The following FOXP1 variants were observed in gnomAD, a reference collection of about 807,000 sequenced individuals.
FOXP1 encodes the protein forkhead box P1.
In FOXP1, 15 loss-of-function variants were observed where a neutral mutation model predicts 98.2. The observed-to-expected ratio is 0.15, with a 90% CI of 0.10 to 0.24. The LOEUF (loss-of-function observed/expected upper bound fraction) is 0.24, where lower values mean the gene tolerates loss of function less well. Among genes scored for constraint, FOXP1 ranks in the 10% least tolerant of loss-of-function variants. The probability of loss-of-function intolerance (pLI) is 1.00; values close to 1 mark genes in which losing one functional copy is unlikely to be tolerated. For synonymous variants in FOXP1, 371 were observed against 314.5 expected (o/e 1.18, Z -1.90); for missense variants, 633 against 848.5 (o/e 0.75, Z 3.15).
chr3:71,036,202 C>T lies in FOXP1; in HGVS notation c.869+5126G>A, dbSNP rs184185003. On this transcript the variant is annotated intron_variant, in intron 11 of 20. Transcript: ENST00000649528. The stretch of plus-strand genomic sequence containing the variant: ...TCAGGGGTTATTTGAAGGCAACTGC[C>T]AACTGTGGAGTGGAGAAAATGCAAG... Among the ~76,000 whole-genome samples the T allele has an allele frequency of 2.1e-4, 32 of 151,988 alleles. No individual in the cohort carries two copies. In the East Asian group the frequency reaches 5.2e-3, roughly 25 times the overall value.
At chr3:71,011,007 A>C (rs1488398739) in intron 12 of FOXP1, among the ~76,000 whole-genome samples, 5 of 152,134 alleles carry the variant, frequency 3.3e-5, no homozygotes, top group Non-Finnish European at 7.4e-5. Flanking sequence ...ATCTACAAGA[A>C]GACTAACTTA....
chr3:71,576,292 G>A (rs1405186996), intron 2 of FOXP1, among the ~76,000 whole-genome samples: 2 of 151,920 alleles, frequency 1.3e-5, no homozygotes, highest in Non-Finnish European at 2.9e-5. Flanking sequence ...ATAGTAAACA[G>A]AACACTGGAA....
At chr3:71,333,500 TTAAGAA>T (rs2076474150) in intron 4 of FOXP1, 1 of 152,122 alleles carries the variant, frequency 6.6e-6, no homozygotes, top group African/African-American at 2.4e-5. Context: ...CTAAAAGACA[TTAAGAA>T]TAAGATATAC....
chr3:71,201,481 C>T (rs537542625), intron 5 of FOXP1, among the ~76,000 whole-genome samples: 3 of 151,980 alleles, frequency 2.0e-5, no homozygotes, highest in Non-Finnish European at 4.4e-5. Flanking sequence ...CTGCTCTCTA[C>T]TAAAAATACA....
intron 18 of FOXP1, 105 bp downstream of exon 18, chr3:70,972,450 G>T: frequency 6.6e-7 from 1 of 1,514,524 alleles, no homozygotes; most frequent in Non-Finnish European, 9.2e-7. Flanking sequence ...GAGACAACGT[G>T]AAACCAGTTC....
chr3:71,124,136 T>TC (rs58752828), intron 6 of FOXP1, among the ~76,000 whole-genome samples: 1 of 33,776 alleles, frequency 3.0e-5, no homozygotes, highest in Non-Finnish European at 9.6e-5. Context: ...TAAAGTTATA[T>TC]TTTTTTAAAA....
chr3:71,340,743 TTAAA>T (rs1033595331), intron 4 of FOXP1, among the ~76,000 whole-genome samples: 28 of 152,128 alleles, frequency 1.8e-4, no homozygotes, highest in African/African-American at 6.8e-4. Flanking sequence ...AATATATTGA[TTAAA>T]TAAAGCCACC....
intron 6 of FOXP1, among the ~76,000 whole-genome samples, chr3:71,195,347 C>G (rs2063232041): frequency 6.6e-6 from 1 of 152,144 alleles, no homozygotes; most frequent in African/African-American, 2.4e-5. Context: ...TAATATGAAG[C>G]AAACATGGAA....
intron 5 of FOXP1, among the ~76,000 whole-genome samples, chr3:71,255,205 G>A (rs922039279): frequency 6.6e-6 from 1 of 152,130 alleles, no homozygotes; most frequent in African/African-American, 2.4e-5. Flanking sequence ...ATCCAAAATG[G>A]TCTTGTCCTA....
intron 3 of FOXP1, among the ~76,000 whole-genome samples, chr3:71,491,497 A>G (rs1021981381): frequency 6.6e-6 from 1 of 151,692 alleles, no homozygotes; most frequent in Non-Finnish European, 1.5e-5. Flanking sequence ...AAATTTCATG[A>G]CTCCATTAAC....
chr3:71,173,962 G>A (rs73123562), intron 6 of FOXP1, among the ~76,000 whole-genome samples: 25,703 of 152,168 alleles, frequency 0.17, 2,564 homozygotes, highest in Middle Eastern at 0.32. Context: ...ACAGTATCAT[G>A]TGATTAGCAG....
At chr3:71,227,177 C>A (rs1032546589) in intron 5 of FOXP1, among the ~76,000 whole-genome samples, 1 of 152,162 alleles carries the variant, frequency 6.6e-6, no homozygotes, top group African/African-American at 2.4e-5. Context: ...TACAGCCCCA[C>A]AGGCACGCGA....
intron 14 of FOXP1, among the ~76,000 whole-genome samples, chr3:70,980,048 GCC>G (rs2038545239): frequency 6.6e-6 from 1 of 152,138 alleles, no homozygotes; most frequent in Non-Finnish European, 1.5e-5. Flanking sequence ...CCTTACAAAT[GCC>G]CCAGCAAGCT....
At chr3:71,497,814 C>G (rs749251557) in intron 2 of FOXP1, among the ~76,000 whole-genome samples, 14 of 152,292 alleles carry the variant, frequency 9.2e-5, no homozygotes, top group Admixed American at 5.2e-4. Context: ...CCAGAAGTAC[C>G]TTGGCCCAGG....
chr3:71,173,383 TCACACACACA>T lies in FOXP1; in HGVS notation c.180+24809_180+24818del, dbSNP rs3064895. On this transcript the variant is annotated intron_variant, in intron 6 of 20. Transcript: ENST00000649528. Reference sequence around the variant, plus strand: ...TCAATTTAGAAAAAAAAGAAAAAATTCACACACACACACACACACACACACACACACACAC... The same window carrying T: ...TCAATTTAGAAAAAAAAGAAAAAATTCACACACACACACACACACACACAC... Among the ~76,000 whole-genome samples, 658 of 143,302 alleles carry T rather than the reference TCACACACACA, an allele frequency of 4.6e-3. 5 individuals are homozygous for T. Among genetic ancestry groups the T allele is most frequent in the African/African-American group, 0.016 (602 of 38,422 alleles). 94.0% of individuals were successfully genotyped at this position (143,302 alleles called of 152,430 possible). A position where few individuals can be genotyped will look rare whatever the true frequency, so the allele number is the denominator to read the frequency against.
chr3:71,575,981 C>T lies in FOXP1; in HGVS notation c.-298+5568G>A, dbSNP rs781440300. On this transcript the variant is annotated intron_variant, in intron 2 of 20. Transcript: ENST00000649528. ...GAGCATCTGGTAAAATGTGGATGTCCACCTGACTTACAAGTAATAAATAAA... is the reference window on the plus strand; with the variant it reads ...GAGCATCTGGTAAAATGTGGATGTCTACCTGACTTACAAGTAATAAATAAA... Among the ~76,000 whole-genome samples, 16 of 152,266 alleles carry T rather than the reference C, an allele frequency of 1.1e-4. 1 individual carries two copies. The highest frequency in any genetic ancestry group is 6.5e-4 in the Admixed American group (10 of 15,304).
intron 7 of FOXP1, among the ~76,000 whole-genome samples, chr3:71,064,567 T>TG (rs563453377): frequency 4.9e-4 from 72 of 146,400 alleles, no homozygotes; most frequent in African/African-American, 1.5e-3. Context: ...GCAAGGGGGG[T>TG]GGGGGGGTAT....
intron 5 of FOXP1, among the ~76,000 whole-genome samples, chr3:71,268,096 T>TC (rs1304856770): frequency 1.4e-5 from 2 of 141,590 alleles, no homozygotes; most frequent in African/African-American, 5.2e-5. Context: ...TTTTCTTTTT[T>TC]TTTTTTTTTT....
At chr3:71,202,992 A>G (rs1196146157) in intron 5 of FOXP1, among the ~76,000 whole-genome samples, 1 of 152,184 alleles carries the variant, frequency 6.6e-6, no homozygotes, top group African/African-American at 2.4e-5. Context: ...CTCTGGGGGA[A>G]TAACTAACTC....
Sources: gnomAD v4.1 joint callset for allele counts (sites outside exome capture counted in the v4.1 genomes callset) on GRCh38, gnomAD v4.1.1 for gene constraint, MANE v1.5 for transcripts, NCBI Gene and HGNC (gene_info 2026-07-23, HGNC 2026-07-21) for gene names.